KCNQ1OT1: variants seen among roughly 807,000 people sequenced by gnomAD.
KCNQ1OT1 encodes KCNQ1 opposite strand/antisense transcript 1, also known as KCNQ1 antisense RNA 2 (non-protein coding).
chr11:2,630,460 G>C (rs966384689), exon 1 of KCNQ1OT1: 1 of 397,980 alleles, frequency 2.5e-6, no homozygotes, highest in Non-Finnish European at 4.4e-6. Flanking sequence ...TTTGTTTGGG[G>C]GGAATATTTT....
exon 1 of KCNQ1OT1, chr11:2,633,228 G>A (rs1015757806): frequency 1.1e-4 from 42 of 398,332 alleles, no homozygotes; most frequent in Non-Finnish European, 1.7e-4. Flanking sequence ...TTCTAAATCA[G>A]ATAATCTGGT....
At chr11:2,616,525 G>A in exon 1 of KCNQ1OT1, 3 of 397,928 alleles carry the variant, frequency 7.5e-6, no homozygotes, top group Non-Finnish European at 8.9e-6. Flanking sequence ...GGCATTCACA[G>A]CTATAATTTT....
rs1849283519 is a variant in KCNQ1OT1, at chr11:2,627,682, G to GTATATGTATGTATA, written n.72312_72313insTATACATACATATA. ...ATTGTGTGTGTGTATATATGTGTGT[G>GTATATGTATGTATA]TGTGTGTCTGTATGTATATGTATGT... On this transcript the variant is annotated non_coding_transcript_exon_variant, in exon 1 of 1. Coordinates refer to ENST00000597346, the Ensembl canonical transcript of KCNQ1OT1. The surrounding 1 kb of genome is among the most constrained non-coding windows in gnomAD (Gnocchi z 4.9). 1 of 398,472 alleles carries GTATATGTATGTATA rather than the reference G, an allele frequency of 2.5e-6. No individual in the cohort carries two copies. The highest frequency in any genetic ancestry group is 4.4e-5 in the Admixed American group (1 of 22,722). 24.7% of individuals were successfully genotyped at this position (398,472 alleles called of 1,614,324 possible).
In KCNQ1OT1 at chr11:2,611,668, ATC is replaced by A. The variant is rs1468237625; in HGVS notation, n.88325_88326del. On this transcript the variant is annotated non_coding_transcript_exon_variant, in exon 1 of 1. Transcript: ENST00000597346. This position sits in a 1 kb window ranked among gnomAD's most constrained non-coding sequence, Gnocchi z 5.3. ...ATCCTGCTTTTAAGGCAGTCTGGCA[ATC>A]TCTGCTCTTTATTGAGTTTTTAATT... is the stretch of plus-strand genomic sequence containing the variant. 5.0e-5 allele frequency: 20 copies of A among 398,564 alleles called. No homozygotes were observed. The South Asian group carries it at 2.3e-3, about 46-fold the overall frequency. The allele number at this position is 398,564 out of a possible 1,614,324, so 24.7% of individuals were successfully genotyped here.
At chr11:2,625,941 A>G in exon 1 of KCNQ1OT1, 1 of 398,572 alleles carries the variant, frequency 2.5e-6, no homozygotes, top group Non-Finnish European at 4.4e-6. Context: ...TCTGGACATT[A>G]ATCCCTTATC....
At position 2,658,038 on chromosome 11, in the gene KCNQ1OT1, G is replaced by C. The variant is rs540067358; in HGVS notation, n.41957C>G. 1.5e-5 allele frequency: 6 copies of C among 398,470 alleles called. No homozygotes were observed. The highest frequency in any genetic ancestry group is 1.4e-4 in the East Asian group (4 of 28,078). 24.7% of individuals were successfully genotyped at this position (398,470 alleles called of 1,614,324 possible). On this transcript the variant is annotated non_coding_transcript_exon_variant, in exon 1 of 1. Coordinates refer to ENST00000597346, the Ensembl canonical transcript of KCNQ1OT1. This position sits in a 1 kb window ranked among gnomAD's most constrained non-coding sequence, Gnocchi z 4.9. ...TTTCCATAGCTTAGTCTTTAGAAGC[G>C]AGTCACTAAGTATAGCCCACACTCA...
chr11:2,630,003 A>C (rs1020267861), exon 1 of KCNQ1OT1: 1 of 398,380 alleles, frequency 2.5e-6, no homozygotes. Flanking sequence ...TCCTCATCTT[A>C]GAGGAGAGGC....
exon 1 of KCNQ1OT1, chr11:2,688,233 A>G (rs547859802): frequency 2.5e-6 from 1 of 398,784 alleles, no homozygotes; most frequent in African/African-American, 2.1e-5. Context: ...GTAGCCACTC[A>G]TACAGGGCTG....
rs1180806322 is a variant in KCNQ1OT1 at position 2,621,288 on chromosome 11, C to T, written n.78707G>A. ...CCACCGTGCCTGGCCTCATTATTTG[C>T]ATTTCTGATTATTAGTGATCATGAG... is the stretch of plus-strand genomic sequence containing the variant. On this transcript the variant is annotated non_coding_transcript_exon_variant, in exon 1 of 1. Transcript: ENST00000597346. This position sits in a 1 kb window ranked among gnomAD's most constrained non-coding sequence, Gnocchi z 5.7. The T allele has an allele frequency of 5.0e-6, 2 of 398,326 alleles. No individual in the cohort carries two copies. Among genetic ancestry groups the T allele is most frequent in the East Asian group, 3.6e-5 (1 of 28,084 alleles). The allele number at this position is 398,326 out of a possible 1,614,324, so 24.7% of individuals were successfully genotyped here. A position where few individuals can be genotyped will look rare whatever the true frequency, so the allele number is the denominator to read the frequency against.
At chr11:2,643,384 A>T (rs1358689607) in exon 1 of KCNQ1OT1, 1 of 398,276 alleles carries the variant, frequency 2.5e-6, no homozygotes, top group African/African-American at 2.1e-5. Flanking sequence ...CCTCTTGGTC[A>T]ATTGATCCCT....
exon 1 of KCNQ1OT1, chr11:2,694,093 G>A: frequency 2.5e-6 from 1 of 398,666 alleles, no homozygotes. Context: ...ACCTCTGGGT[G>A]GCAGCCCATA....
At chr11:2,646,676 C>A in exon 1 of KCNQ1OT1, 4 of 398,558 alleles carry the variant, frequency 1.0e-5, no homozygotes, top group Non-Finnish European at 1.3e-5. Context: ...AGGTGCAGGC[C>A]ACCACGCCCA....
chr11:2,689,839 T>G, exon 1 of KCNQ1OT1: 1 of 398,794 alleles, frequency 2.5e-6, no homozygotes, highest in East Asian at 3.6e-5. Flanking sequence ...GGTGCCTGGT[T>G]GTGGCCTGCC....
In KCNQ1OT1 at chr11:2,628,088, A is replaced by G. The variant is rs188992605; in HGVS notation, n.71907T>C. The G allele has an allele frequency of 3.4e-4, 134 of 398,602 alleles. No individual in the cohort carries two copies. Among genetic ancestry groups the G allele is most frequent in the African/African-American group, 2.0e-3 (99 of 48,752 alleles). 24.7% of individuals were successfully genotyped at this position (398,602 alleles called of 1,614,324 possible). On this transcript the variant is annotated non_coding_transcript_exon_variant, in exon 1 of 1. Coordinates refer to ENST00000597346, the Ensembl canonical transcript of KCNQ1OT1. ...CTCATTTCTTGACTACTGTAACACT[A>G]CAATGAACATGGGAGTGCAGATACC...
exon 1 of KCNQ1OT1, chr11:2,631,199 C>T (rs984170494): frequency 5.0e-6 from 2 of 398,484 alleles, no homozygotes; most frequent in Non-Finnish European, 8.8e-6. Context: ...TCTCTACTTT[C>T]CTTCTATAAA....
At position 2,669,601 on chromosome 11, in the gene KCNQ1OT1, G is replaced by C. The variant is rs1019888236; in HGVS notation, n.30394C>G. ...TTTCATCCTGCCCACAGGACACTGG[G>C]GCAGTCACCTAATCTCTATCAGCCT... is the stretch of plus-strand genomic sequence containing the variant. On this transcript the variant is annotated non_coding_transcript_exon_variant, in exon 1 of 1. Transcript: ENST00000597346. The surrounding 1 kb of genome is among the most constrained non-coding windows in gnomAD (Gnocchi z 5.6). The C allele has an allele frequency of 5.0e-6, 2 of 398,468 alleles. No individual in the cohort carries two copies. The highest frequency in any genetic ancestry group is 8.8e-6 in the Non-Finnish European group (2 of 226,078). The allele number at this position is 398,468 out of a possible 1,614,324, so 24.7% of individuals were successfully genotyped here. A position where few individuals can be genotyped will look rare whatever the true frequency, so the allele number is the denominator to read the frequency against.
exon 1 of KCNQ1OT1, chr11:2,618,350 A>G (rs1393764209): frequency 7.5e-6 from 3 of 398,454 alleles, no homozygotes; most frequent in Non-Finnish European, 1.3e-5. Flanking sequence ...AAAGTTTACA[A>G]ATTTGTGTTG....
Position 2,653,984 on chromosome 11 carries a change from G to C in KCNQ1OT1, n.46011C>G. The C allele has an allele frequency of 5.0e-6, 2 of 398,688 alleles. No homozygotes were observed. Among genetic ancestry groups the C allele is most frequent in the Admixed American group, 8.8e-5 (2 of 22,746 alleles). The allele number at this position is 398,688 out of a possible 1,614,324, so 24.7% of individuals were successfully genotyped here. On this transcript the variant is annotated non_coding_transcript_exon_variant, in exon 1 of 1. Transcript: ENST00000597346. This position sits in a 1 kb window ranked among gnomAD's most constrained non-coding sequence, Gnocchi z 5.3. ...CCACTCAAGCAAGGTATTTTCCTAA[G>C]CGGAACTGGGTGCCAGCTGTGAATA... is the stretch of plus-strand genomic sequence containing the variant.
chr11:2,665,696 G>C (rs888509779), exon 1 of KCNQ1OT1: 1 of 398,174 alleles, frequency 2.5e-6, no homozygotes, highest in Non-Finnish European at 4.4e-6. Flanking sequence ...GGAGGGAGAA[G>C]GGCATGTATA....
Sources: allele counts gnomAD v4.1 joint callset, GRCh38; gene constraint gnomAD v4.1.1; non-coding constraint Gnocchi (gnomAD v3.1); transcripts MANE v1.5; gene names NCBI Gene and HGNC (gene_info 2026-07-23, HGNC 2026-07-21).